The following DARS1 variants were observed in gnomAD, a reference collection of about 807,000 sequenced individuals.
DARS1 encodes aspartate--tRNA ligase, cytoplasmic.
DARS1 carries 51 observed loss-of-function variants against 68.8 expected under a neutral mutation model. The observed-to-expected ratio is 0.74, with a 90% CI of 0.59 to 0.94. DARS1 has a LOEUF of 0.94. Ranked by LOEUF, DARS1 falls within the 40% of genes least tolerant of loss-of-function variation. The pLI is 0.00. For synonymous variants in DARS1, 203 were observed against 190.4 expected, an observed-to-expected ratio of 1.07 and a Z score of -0.55; for missense variants, 607 against 597.3, an observed-to-expected ratio of 1.02 and a Z score of -0.17.
At chr2:135,981,190 C>T (rs1212788536) in intron 2 of DARS1, among the ~76,000 whole-genome samples, 2 of 152,132 alleles carry the variant, frequency 1.3e-5, no homozygotes, top group African/African-American at 4.8e-5. Flanking sequence ...GATTTGCCAG[C>T]AAAAGAACAA....
At chr2:135,976,306 T>C (rs186838814) in intron 3 of DARS1, among the ~76,000 whole-genome samples, 43 of 152,320 alleles carry the variant, frequency 2.8e-4, no homozygotes, top group African/African-American at 8.9e-4. Flanking sequence ...GTTTGAGTTT[T>C]AAAATAGTGC....
In DARS1 at chr2:135,972,351, C is replaced by T. The variant is rs374313287; in HGVS notation, c.217+6923G>A. Among the ~76,000 whole-genome samples, 135 of 152,172 alleles carry T rather than the reference C, an allele frequency of 8.9e-4. 8 individuals are homozygous for T. In the Middle Eastern group the frequency reaches 0.11, roughly 123 times the overall value. On this transcript the variant is annotated intron_variant, in intron 3 of 15. Transcript: ENST00000264161. ...GGGGGAAAATAGTCTTTTCAATAAA[C>T]GGTGCTGGGAAAACTGGATATCCAT...
At chr2:135,965,042 G>A (rs1682192924) in intron 3 of DARS1, among the ~76,000 whole-genome samples, 1 of 151,840 alleles carries the variant, frequency 6.6e-6, no homozygotes, top group Non-Finnish European at 1.5e-5. Flanking sequence ...AAGTGTGCCA[G>A]TACAAAAATA....
rs78943662 is a variant in DARS1, at chr2:135,936,789, T to TA, written c.424-2800dup. Among the ~76,000 whole-genome samples, 1,164 of 152,322 alleles carry TA rather than the reference T, an allele frequency of 7.6e-3. 99 individuals are homozygous for TA. The East Asian group carries it at 0.2, about 26-fold the overall frequency. On this transcript the variant is annotated intron_variant, in intron 5 of 15. Transcript: ENST00000264161. ...GGTCAGTAAAAATTACAAGGTTTTG[T>TA]AAGTCTTGAAGAGTTCCAAGAAAAC...
At chr2:135,948,604 C>T (rs1474457685) in intron 4 of DARS1, among the ~76,000 whole-genome samples, 2 of 152,102 alleles carry the variant, frequency 1.3e-5, no homozygotes, top group Non-Finnish European at 1.5e-5. Context: ...GTGGCTCATG[C>T]CTGTAATCTC....
chr2:135,966,289 TG>T (rs1054787064), intron 3 of DARS1, among the ~76,000 whole-genome samples: 2 of 152,112 alleles, frequency 1.3e-5, no homozygotes, highest in Non-Finnish European at 2.9e-5. Context: ...TTTCTACTAC[TG>T]GAATTTTTAT....
chr2:135,954,610 A>G (rs1015276256), intron 4 of DARS1, among the ~76,000 whole-genome samples: 3 of 152,198 alleles, frequency 2.0e-5, no homozygotes, highest in African/African-American at 2.4e-5. Flanking sequence ...GCATCCAAAT[A>G]AGCATAAAAA....
chr2:135,979,529 A>C (rs1682576022), intron 2 of DARS1, among the ~76,000 whole-genome samples, 163 bp from the exon 3 acceptor site: 2 of 152,170 alleles, frequency 1.3e-5, no homozygotes, highest in Non-Finnish European at 2.9e-5. Flanking sequence ...TTCCATGTGC[A>C]ATTTGCCTCA....
chr2:135,933,730 T>C (rs1681404407), intron 6 of DARS1, among the ~76,000 whole-genome samples, 180 bp downstream of exon 6: 1 of 152,212 alleles, frequency 6.6e-6, no homozygotes, highest in African/African-American at 2.4e-5. Context: ...TTAATTATTT[T>C]TAATAATGTA....
intron 4 of DARS1, among the ~76,000 whole-genome samples, chr2:135,949,821 G>A (rs1681804859): frequency 6.6e-6 from 1 of 152,154 alleles, no homozygotes; most frequent in African/African-American, 2.4e-5. Flanking sequence ...GACAATTTGA[G>A]GCAAAATAGT....
intron 9 of DARS1, among the ~76,000 whole-genome samples, 189 bp from the exon 10 acceptor site, chr2:135,920,789 C>A (rs936903516): frequency 6.6e-6 from 1 of 152,070 alleles, no homozygotes; most frequent in Non-Finnish European, 1.5e-5. Flanking sequence ...TAAACTCCTA[C>A]GGTCGTGCAA....
At chr2:135,975,268 C>A (rs1575408119) in intron 3 of DARS1, among the ~76,000 whole-genome samples, 1 of 152,058 alleles carries the variant, frequency 6.6e-6, no homozygotes, top group East Asian at 1.9e-4. Flanking sequence ...TGATGTGAAC[C>A]TGGGAGGCGG....
intron 3 of DARS1, among the ~76,000 whole-genome samples, chr2:135,971,131 A>G (rs1178001200): frequency 1.3e-5 from 2 of 152,164 alleles, no homozygotes; most frequent in African/African-American, 4.8e-5. Context: ...AACCAAAGAT[A>G]GATCAGAAAA....
At chr2:135,982,827 G>A (rs1171096906) in intron 2 of DARS1, among the ~76,000 whole-genome samples, 1 of 152,134 alleles carries the variant, frequency 6.6e-6, no homozygotes, top group East Asian at 1.9e-4. Context: ...GGGTCAGATG[G>A]CCTTTGGTTC....
intron 3 of DARS1, among the ~76,000 whole-genome samples, chr2:135,966,108 A>C (rs1682229978): frequency 6.6e-6 from 1 of 152,160 alleles, no homozygotes; most frequent in Admixed American, 6.5e-5. Flanking sequence ...TTTTTGTGCA[A>C]ATTTAAAAAA....
intron 4 of DARS1, among the ~76,000 whole-genome samples, chr2:135,951,797 T>C (rs1307782496): frequency 6.6e-6 from 1 of 152,218 alleles, no homozygotes; most frequent in Admixed American, 6.5e-5. Context: ...GTTCCTTCCA[T>C]CACTTCAAAA....
At chr2:135,955,395 T>G (rs898142142) in intron 4 of DARS1, among the ~76,000 whole-genome samples, 1 of 152,038 alleles carries the variant, frequency 6.6e-6, no homozygotes, top group Non-Finnish European at 1.5e-5. Context: ...CACATTCAAA[T>G]GAGTAATTTT....
chr2:135,926,096 G>A (rs187916472), intron 7 of DARS1, among the ~76,000 whole-genome samples: 152 of 152,168 alleles, frequency 1.0e-3, no homozygotes, highest in African/African-American at 1.9e-3. Flanking sequence ...TCACCATGTT[G>A]GCCAGGCTGG....
In DARS1 at chr2:135,940,372, C is replaced by T. The variant is rs539070541; in HGVS notation, c.423+3006G>A. 2.6e-4 allele frequency among the ~76,000 whole-genome samples: 39 copies of T among 152,216 alleles called. 1 individual carries two copies. Among genetic ancestry groups the T allele is most frequent in the Admixed American group, 6.5e-4 (10 of 15,274 alleles). ...GGTTTAACATATGCAAATCAATAAACGTAATCCAGCATATAAACAGAACCA... is the reference window on the plus strand; with the variant it reads ...GGTTTAACATATGCAAATCAATAAATGTAATCCAGCATATAAACAGAACCA... On this transcript the variant is annotated intron_variant, in intron 5 of 15. Coordinates refer to ENST00000264161, the MANE Select transcript of DARS1 (RefSeq NM_001349.4).
Sources: allele counts gnomAD v4.1 joint callset (sites outside exome capture counted in the v4.1 genomes callset), GRCh38; gene constraint gnomAD v4.1.1; transcripts MANE v1.5; gene names NCBI Gene and HGNC (gene_info 2026-07-23, HGNC 2026-07-21).